The following JAZF1 variants were observed in gnomAD, a reference collection of about 807,000 sequenced individuals.
The protein encoded by JAZF1 is JAZF zinc finger 1.
A neutral mutation model predicts 26.4 loss-of-function variants in JAZF1; 8 were observed. The ratio of observed to expected loss-of-function variants is 0.30; its 90% CI spans 0.18 to 0.55. JAZF1 has a LOEUF of 0.55. Among genes scored for constraint, JAZF1 ranks in the 20% least tolerant of loss-of-function variants. JAZF1 has a pLI of 0.94. For missense variants in JAZF1, 199 were observed against 322.0 expected (o/e 0.62, Z 2.92); for synonymous variants, 126 against 122.3 (o/e 1.03, Z -0.20).
chr7:28,148,573 G>C (rs62449931), intron 1 of JAZF1, among the ~76,000 whole-genome samples: 1 of 152,202 alleles, frequency 6.6e-6, no homozygotes, highest in Non-Finnish European at 1.5e-5. Context: ...CTGAGAAGGC[G>C]TATCTGAGTA....
intron 1 of JAZF1, among the ~76,000 whole-genome samples, chr7:28,088,164 G>T (rs943170195): frequency 8.5e-5 from 13 of 152,182 alleles, no homozygotes; most frequent in Non-Finnish European, 1.8e-4. Context: ...AACACCACGG[G>T]GCTACAATCT....
intron 3 of JAZF1, among the ~76,000 whole-genome samples, chr7:27,882,191 G>A (rs1249888437): frequency 1.3e-5 from 2 of 151,962 alleles, no homozygotes; most frequent in East Asian, 1.9e-4. Flanking sequence ...AGAAAACACA[G>A]TACATCATGA....
chr7:28,162,783 T>C (rs1422651406), intron 1 of JAZF1, among the ~76,000 whole-genome samples: 9 of 152,214 alleles, frequency 5.9e-5, no homozygotes, highest in Admixed American at 5.9e-4. Flanking sequence ...TGAAACTAAC[T>C]CAAAGCCTTT....
intron 1 of JAZF1, among the ~76,000 whole-genome samples, chr7:28,077,575 C>T (rs539793931): frequency 8.8e-5 from 13 of 147,242 alleles, no homozygotes; most frequent in Middle Eastern, 3.4e-3. Flanking sequence ...ACCACCTTAA[C>T]TACAAAAAAA....
At chr7:27,883,916 C>T (rs964773149) in intron 3 of JAZF1, among the ~76,000 whole-genome samples, 2 of 152,270 alleles carry the variant, frequency 1.3e-5, no homozygotes, top group South Asian at 2.1e-4. Context: ...TGAAGAATTC[C>T]GCCTACTGTC....
At chr7:27,959,919 G>A (rs1785161968) in intron 2 of JAZF1, among the ~76,000 whole-genome samples, 1 of 150,270 alleles carries the variant, frequency 6.7e-6, no homozygotes, top group African/African-American at 2.5e-5. Flanking sequence ...AAAAAAATGT[G>A]CAGATGAGTT....
intron 3 of JAZF1, among the ~76,000 whole-genome samples, chr7:27,856,141 G>C (rs919421755): frequency 6.6e-6 from 1 of 152,176 alleles, no homozygotes; most frequent in Non-Finnish European, 1.5e-5. Flanking sequence ...AACGTGGTGT[G>C]TCCGGAGTTT....
intron 2 of JAZF1, among the ~76,000 whole-genome samples, chr7:27,896,103 AAGG>A (rs1270496716): frequency 6.6e-6 from 1 of 152,202 alleles, no homozygotes; most frequent in Non-Finnish European, 1.5e-5. Context: ...CAGCACAAGG[AAGG>A]AGGTCACCAC....
At chr7:28,070,484 T>A (rs368669084) in intron 1 of JAZF1, among the ~76,000 whole-genome samples, 1 of 152,234 alleles carries the variant, frequency 6.6e-6, no homozygotes, top group African/African-American at 2.4e-5. Flanking sequence ...TTAAAACTAT[T>A]TGGACCCTCC....
intron 1 of JAZF1, among the ~76,000 whole-genome samples, chr7:28,001,002 G>A (rs899014527): frequency 6.6e-6 from 1 of 152,064 alleles, no homozygotes; most frequent in Non-Finnish European, 1.5e-5. Flanking sequence ...GTTGCTTAGG[G>A]GAAACTTTAA....
intron 1 of JAZF1, among the ~76,000 whole-genome samples, chr7:28,129,623 G>T (rs1406596548): frequency 6.6e-6 from 1 of 151,902 alleles, no homozygotes; most frequent in African/African-American, 2.4e-5. Context: ...TTTTCCCTTG[G>T]GTGTTTACTA....
intron 1 of JAZF1, among the ~76,000 whole-genome samples, chr7:28,009,331 AT>A (rs1463920165): frequency 6.6e-6 from 1 of 152,120 alleles, no homozygotes; most frequent in South Asian, 2.1e-4. Context: ...ACTTTAGCCA[AT>A]CAGTTCAGTG....
chr7:27,872,870 A>G (rs1196146986), intron 3 of JAZF1, among the ~76,000 whole-genome samples: 1 of 152,156 alleles, frequency 6.6e-6, no homozygotes, highest in Non-Finnish European at 1.5e-5. Context: ...TCTGCATAAA[A>G]AGATAGGGGA....
chr7:27,949,497 T>C (rs1583476458), intron 2 of JAZF1, among the ~76,000 whole-genome samples: 1 of 152,174 alleles, frequency 6.6e-6, no homozygotes, highest in East Asian at 1.9e-4. Flanking sequence ...AGCCACAAAG[T>C]GTGCTCTTGT....
intron 3 of JAZF1, among the ~76,000 whole-genome samples, chr7:27,879,001 A>C (rs771828462): frequency 1.3e-5 from 2 of 152,236 alleles, no homozygotes; most frequent in African/African-American, 2.4e-5. Flanking sequence ...GAACAGGAAG[A>C]TCAACAACAT....
At chr7:28,015,701 C>T (rs1782878795) in intron 1 of JAZF1, among the ~76,000 whole-genome samples, 1 of 152,158 alleles carries the variant, frequency 6.6e-6, no homozygotes, top group South Asian at 2.1e-4. Flanking sequence ...CGGAAAAGGA[C>T]TGGCATGTGT....
chr7:27,834,396 C>A (rs553461283), intron 4 of JAZF1, among the ~76,000 whole-genome samples: 36 of 152,236 alleles, frequency 2.4e-4, no homozygotes, highest in African/African-American at 8.4e-4. Flanking sequence ...TTTGTTGAAC[C>A]CAGGGGTGCC....
At chr7:28,112,095 CATG>C (rs1784670270) in intron 1 of JAZF1, among the ~76,000 whole-genome samples, 1 of 152,190 alleles carries the variant, frequency 6.6e-6, no homozygotes. Context: ...ATTTTATGAT[CATG>C]AGGTGTCTTC....
intron 1 of JAZF1, among the ~76,000 whole-genome samples, chr7:28,142,068 T>C (rs1019877552): frequency 6.6e-6 from 1 of 152,222 alleles, no homozygotes; most frequent in African/African-American, 2.4e-5. Context: ...TTTCAAGGTA[T>C]ATGATTAAAT....
Sources: allele counts gnomAD v4.1 joint callset (sites outside exome capture counted in the v4.1 genomes callset), GRCh38; gene constraint gnomAD v4.1.1; transcripts MANE v1.5; gene names NCBI Gene and HGNC (gene_info 2026-07-23, HGNC 2026-07-21).